Variants in ELAPOR2 observed in about 807,000 individuals in gnomAD.
ELAPOR2 encodes the protein endosome/lysosome-associated apoptosis and autophagy regulator family member 2.
A neutral mutation model predicts 120.7 loss-of-function variants in ELAPOR2; 89 were observed. The ratio of observed to expected loss-of-function variants is 0.74; its 90% CI spans 0.62 to 0.88. ELAPOR2 has a LOEUF of 0.88. Ranked by LOEUF, ELAPOR2 falls within the 40% of genes least tolerant of loss-of-function variation. The pLI, the probability that ELAPOR2 is intolerant of heterozygous loss-of-function variation, is 0.00. For synonymous variants in ELAPOR2, 444 were observed against 444.9 expected, an observed-to-expected ratio of 1.00 and a Z score of 0.03; for missense variants, 1,134 against 1,251.6, an observed-to-expected ratio of 0.91 and a Z score of 1.42.
At chr7:86,942,137 G>T in intron 4 of ELAPOR2, 33 bp from the exon 5 acceptor site, 2 of 1,255,586 alleles carry the variant, frequency 1.6e-6, no homozygotes, top group South Asian at 1.3e-5. Flanking sequence ...CTAGTAAAGT[G>T]TCTTGAATAA....
chr7:86,985,581 G>A (rs968147326), intron 1 of ELAPOR2, among the ~76,000 whole-genome samples: 7 of 151,998 alleles, frequency 4.6e-5, no homozygotes, highest in Non-Finnish European at 1.0e-4. Flanking sequence ...CAGAACCATC[G>A]ACAAAAACCA....
chr7:86,888,359 T>A (rs915898539), intron 21 of ELAPOR2, among the ~76,000 whole-genome samples: 17 of 152,108 alleles, frequency 1.1e-4, no homozygotes, highest in African/African-American at 4.1e-4. Context: ...AGTCTGATAA[T>A]GGAGGAGACA....
chr7:86,916,148 C>A (rs1250797772), intron 12 of ELAPOR2, among the ~76,000 whole-genome samples: 1 of 152,122 alleles, frequency 6.6e-6, no homozygotes, highest in African/African-American at 2.4e-5. Context: ...TTCCTCAATA[C>A]AAATATCATA....
At chr7:86,909,501 C>G (rs999425898) in intron 16 of ELAPOR2, among the ~76,000 whole-genome samples, 2 of 152,008 alleles carry the variant, frequency 1.3e-5, no homozygotes, top group Admixed American at 6.6e-5. Context: ...TTTACTATTC[C>G]TATTTTGTTT....
chr7:87,056,226 G>A (rs967160632), intron 1 of ELAPOR2, among the ~76,000 whole-genome samples: 1 of 152,028 alleles, frequency 6.6e-6, no homozygotes, highest in Non-Finnish European at 1.5e-5. Flanking sequence ...GCAATAATCA[G>A]CCCTCATATT....
chr7:87,011,441 G>C (rs1252744732), intron 1 of ELAPOR2, among the ~76,000 whole-genome samples: 1 of 151,998 alleles, frequency 6.6e-6, no homozygotes, highest in African/African-American at 2.4e-5. Context: ...TGAATGCTCT[G>C]GTAATATTCG....
At chr7:87,041,210 C>A (rs1794774987) in intron 1 of ELAPOR2, among the ~76,000 whole-genome samples, 1 of 152,154 alleles carries the variant, frequency 6.6e-6, no homozygotes, top group Admixed American at 6.5e-5. Flanking sequence ...TCCAGGAGAA[C>A]TTCCCCAATC....
intron 1 of ELAPOR2, among the ~76,000 whole-genome samples, chr7:87,044,255 A>G (rs1201940244): frequency 1.2e-5 from 1 of 83,262 alleles, no homozygotes; most frequent in Non-Finnish European, 2.3e-5. Flanking sequence ...GGAAAAAACT[A>G]CTTTAAAGTT....
At chr7:86,893,186 ATTTC>A in intron 19 of ELAPOR2, 86 bp from the exon 20 acceptor site, 1 of 1,031,004 alleles carries the variant, frequency 9.7e-7, no homozygotes, top group Non-Finnish European at 1.4e-6. Flanking sequence ...TCACTGGTCA[ATTTC>A]TTACATAAAA....
At chr7:86,910,054 C>T (rs1789226541) in intron 15 of ELAPOR2, 53 bp from the exon 16 acceptor site, 1 of 1,410,918 alleles carries the variant, frequency 7.1e-7, no homozygotes, top group Non-Finnish European at 9.7e-7. Context: ...AATCTCTAAA[C>T]TTAATCTTGA....
chr7:86,952,179 A>C (rs529002163), intron 2 of ELAPOR2, among the ~76,000 whole-genome samples: 169 of 152,320 alleles, frequency 1.1e-3, no homozygotes, highest in South Asian at 2.1e-3. Context: ...GAGTGTATTA[A>C]TTTGGGGGTT....
chr7:87,023,049 TA>T, intron 1 of ELAPOR2, among the ~76,000 whole-genome samples: 1 of 152,022 alleles, frequency 6.6e-6, no homozygotes, highest in Admixed American at 6.6e-5. Context: ...GATGTTAGTT[TA>T]TTTTGCTCTT....
intron 1 of ELAPOR2, among the ~76,000 whole-genome samples, chr7:86,998,547 T>C (rs1259280170): frequency 2.0e-5 from 3 of 152,146 alleles, no homozygotes; most frequent in Non-Finnish European, 4.4e-5. Flanking sequence ...GAGTTTGTTG[T>C]AGGAGGGTTG....
At chr7:86,977,014 T>C (rs551365788) in intron 1 of ELAPOR2, among the ~76,000 whole-genome samples, 49 of 152,324 alleles carry the variant, frequency 3.2e-4, no homozygotes, top group Admixed American at 2.5e-3. Context: ...ACTGCAACTA[T>C]GGGTGCTAAC....
At chr7:87,041,783 G>A (rs930835470) in intron 1 of ELAPOR2, among the ~76,000 whole-genome samples, 1 of 151,780 alleles carries the variant, frequency 6.6e-6, no homozygotes, top group Non-Finnish European at 1.5e-5. Context: ...AACGTAAATG[G>A]ACTAAATGCT....
intron 18 of ELAPOR2, among the ~76,000 whole-genome samples, chr7:86,904,523 CT>C (rs1788877873): frequency 6.6e-6 from 1 of 152,184 alleles, no homozygotes; most frequent in Admixed American, 6.5e-5. Context: ...CAGATTACAT[CT>C]GCCACAAACA....
At chr7:87,015,512 A>G (rs1417440809) in intron 1 of ELAPOR2, among the ~76,000 whole-genome samples, 7 of 152,176 alleles carry the variant, frequency 4.6e-5, no homozygotes, top group Admixed American at 4.6e-4. Flanking sequence ...ATCTGGCCAG[A>G]CATGGTGGTT....
chr7:86,887,215 T>C (rs1331601434), intron 21 of ELAPOR2, among the ~76,000 whole-genome samples: 1 of 151,988 alleles, frequency 6.6e-6, no homozygotes, highest in Non-Finnish European at 1.5e-5. Flanking sequence ...AAAGATGAAA[T>C]TGAATCAAGC....
At position 86,919,918 on chromosome 7, in the gene ELAPOR2, G is replaced by A. The variant is rs1789750317; in HGVS notation, c.1400-608C>T. On this transcript the variant is annotated intron_variant, in intron 10 of 21. Transcript: ENST00000450689. ...AGAGCTGTGCACAGAGAACCATTAT[G>A]AGGTCCGTCTTCTGCAAAGTAACAA... 2.0e-5 allele frequency: 3 copies of A among 152,210 alleles called. No individual in the cohort carries two copies. The South Asian group carries it at 6.2e-4, about 32-fold the overall frequency. The allele number at this position is 152,210 out of a possible 1,614,324, so 9.4% of individuals were successfully genotyped here.
Sources: allele counts gnomAD v4.1 joint callset (sites outside exome capture counted in the v4.1 genomes callset), GRCh38; gene constraint gnomAD v4.1.1; transcripts MANE v1.5; gene names NCBI Gene and HGNC (gene_info 2026-07-23, HGNC 2026-07-21).